Variants in CHCHD3 observed in about 807,000 individuals in gnomAD.
CHCHD3 encodes the protein coiled-coil-helix-coiled-coil-helix domain containing 3, also known as MICOS complex subunit MIC19.
In CHCHD3, 20 loss-of-function variants were observed where a neutral mutation model predicts 38.2. The ratio of observed to expected loss-of-function variants is 0.52; its 90% confidence interval spans 0.37 to 0.76. CHCHD3 has a LOEUF of 0.76. Ranked by LOEUF, CHCHD3 falls within the 30% of genes least tolerant of loss-of-function variation. CHCHD3 has a pLI of 0.00. For missense variants in CHCHD3, 245 were observed against 279.2 expected, an observed-to-expected ratio of 0.88 and a Z score of 0.87; for synonymous variants, 82 against 100.0, an observed-to-expected ratio of 0.82 and a Z score of 1.07.
At chr7:133,014,073 T>C (rs934454089) in intron 3 of CHCHD3, among the ~76,000 whole-genome samples, 1 of 152,180 alleles carries the variant, frequency 6.6e-6, no homozygotes, top group Non-Finnish European at 1.5e-5. Flanking sequence ...TTTGGTATCA[T>C]TTGGTTTTAA....
chr7:132,862,553 G>A (rs549437300), intron 5 of CHCHD3, among the ~76,000 whole-genome samples: 97 of 152,210 alleles, frequency 6.4e-4, no homozygotes, highest in Non-Finnish European at 1.0e-3. Flanking sequence ...ATTGATGGCT[G>A]CGGTGGTGGC....
intron 6 of CHCHD3, among the ~76,000 whole-genome samples, chr7:132,820,066 T>G (rs990755631): frequency 6.6e-6 from 1 of 152,206 alleles, no homozygotes; most frequent in African/African-American, 2.4e-5. Context: ...AGCAGAAACT[T>G]ATTTCGCTTT....
At chr7:132,795,353 A>G (rs1248536007) in intron 7 of CHCHD3, among the ~76,000 whole-genome samples, 1 of 152,192 alleles carries the variant, frequency 6.6e-6, no homozygotes, top group African/African-American at 2.4e-5. Context: ...TACCTGTACC[A>G]AAGACCTTTA....
intron 6 of CHCHD3, among the ~76,000 whole-genome samples, chr7:132,833,017 C>A (rs1370217363): frequency 6.6e-6 from 1 of 152,158 alleles, no homozygotes; most frequent in Non-Finnish European, 1.5e-5. Flanking sequence ...CACATAGTTT[C>A]ATAACTTTTG....
intron 3 of CHCHD3, among the ~76,000 whole-genome samples, chr7:132,975,791 C>T (rs927911608): frequency 6.6e-6 from 1 of 152,016 alleles, no homozygotes; most frequent in African/African-American, 2.4e-5. Flanking sequence ...CTTCGCTGGG[C>T]GTGGTGATAC....
intron 5 of CHCHD3, among the ~76,000 whole-genome samples, chr7:132,860,316 AAGAG>A (rs60747145): frequency 1.9e-4 from 25 of 134,618 alleles, no homozygotes; most frequent in African/African-American, 2.1e-4. Context: ...GAGAGAGAGA[AAGAG>A]AGAGAGAGAG....
At chr7:132,831,664 GTAACATAAAT>G (rs1057213615) in intron 6 of CHCHD3, among the ~76,000 whole-genome samples, 2 of 152,064 alleles carry the variant, frequency 1.3e-5, no homozygotes, top group Non-Finnish European at 2.9e-5. Context: ...AGAAAGATAA[GTAACATAAAT>G]TTACCTGATT....
intron 4 of CHCHD3, among the ~76,000 whole-genome samples, chr7:132,930,415 C>T (rs987551947): frequency 7.9e-5 from 12 of 151,986 alleles, no homozygotes; most frequent in African/African-American, 2.2e-4. Context: ...GCAATCTGCC[C>T]GCCTCAGCCT....
chr7:132,966,542 T>C (rs2042067), intron 4 of CHCHD3, among the ~76,000 whole-genome samples: 67,628 of 152,046 alleles, frequency 0.44, 15,330 homozygotes, highest in East Asian at 0.55. Context: ...GAAGCAGGCG[T>C]CATTGCACAT....
intron 2 of CHCHD3, among the ~76,000 whole-genome samples, chr7:133,030,444 G>A (rs527566335): frequency 1.8e-3 from 271 of 152,276 alleles, no homozygotes; most frequent in Non-Finnish European, 3.1e-3. Context: ...TTTAAGAGAA[G>A]CACAAGAAAG....
At chr7:133,028,814 G>A (rs1323870079) in intron 2 of CHCHD3, among the ~76,000 whole-genome samples, 1 of 151,806 alleles carries the variant, frequency 6.6e-6, no homozygotes, top group Non-Finnish European at 1.5e-5. Context: ...GAACTCGGGA[G>A]GCGGAGGTTG....
At chr7:132,907,726 T>G (rs1809832255) in intron 4 of CHCHD3, among the ~76,000 whole-genome samples, 1 of 152,114 alleles carries the variant, frequency 6.6e-6, no homozygotes, top group African/African-American at 2.4e-5. Context: ...AAGATTAATC[T>G]TGGTATGTAG....
At chr7:132,915,017 C>A (rs542891597) in intron 4 of CHCHD3, among the ~76,000 whole-genome samples, 285 of 151,912 alleles carry the variant, frequency 1.9e-3, no homozygotes, top group African/African-American at 6.0e-3. Context: ...CAAAAATTAG[C>A]CGGGTGTGGT....
intron 3 of CHCHD3, among the ~76,000 whole-genome samples, chr7:133,011,224 G>A (rs1351797116): frequency 6.6e-6 from 1 of 152,218 alleles, no homozygotes; most frequent in Non-Finnish European, 1.5e-5. Context: ...GGACTTGAAG[G>A]TCAGAGAAAA....
chr7:132,844,680 T>C (rs1585565810), intron 5 of CHCHD3, among the ~76,000 whole-genome samples: 1 of 152,260 alleles, frequency 6.6e-6, no homozygotes, highest in East Asian at 1.9e-4. Flanking sequence ...GTAGATCTCA[T>C]AAATTTAAAG....
intron 4 of CHCHD3, among the ~76,000 whole-genome samples, chr7:132,886,368 A>C (rs1464768704): frequency 6.6e-6 from 1 of 151,998 alleles, no homozygotes; most frequent in African/African-American, 2.4e-5. Context: ...GATTTTTTAA[A>C]ACAAAATCAA....
intron 4 of CHCHD3, among the ~76,000 whole-genome samples, chr7:132,892,836 G>A (rs78112602): frequency 0.028 from 4,300 of 152,288 alleles, 187 homozygotes; most frequent in African/African-American, 0.098. Context: ...GCCTGCAGGC[G>A]CACAGAAGTC....
At chr7:132,879,716 T>TAAAAAAAAAAAAAAAAAAAAA (rs56259114) in intron 5 of CHCHD3, among the ~76,000 whole-genome samples, 5 of 38,424 alleles carry the variant, frequency 1.3e-4, no homozygotes, top group East Asian at 1.2e-3. Context: ...TTGTCAAAAG[T>TAAAAAAAAAAAAAAAAAAAAA]AAAAAAAAAA....
intron 3 of CHCHD3, among the ~76,000 whole-genome samples, chr7:133,019,789 AAGGTCAG>A (rs1813130734): frequency 6.6e-6 from 1 of 152,214 alleles, no homozygotes; most frequent in Non-Finnish European, 1.5e-5. Context: ...TCAAATGCCA[AAGGTCAG>A]AGGTCAGAAG....
Sources: allele counts gnomAD v4.1 joint callset (sites outside exome capture counted in the v4.1 genomes callset), GRCh38; gene constraint gnomAD v4.1.1; transcripts MANE v1.5; gene names NCBI Gene and HGNC (gene_info 2026-07-23, HGNC 2026-07-21).